The following DLC1 variants were observed in gnomAD, a reference collection of about 807,000 sequenced individuals.
DLC1 encodes the protein DLC1 Rho GTPase activating protein.
DLC1 carries 54 observed loss-of-function variants against 140.3 expected under a neutral mutation model. That is an observed-to-expected ratio of 0.38 (90% CI 0.31 to 0.48). DLC1 has a LOEUF of 0.48. DLC1 is among the 20% of genes least tolerant of loss of function. DLC1 has a pLI of 0.96. For synonymous variants in DLC1, 986 were observed against 728.1 expected (o/e 1.35, Z -5.70); for missense variants, 2,536 against 1,907.0 (o/e 1.33, Z -6.14).
At chr8:13,438,730 C>G (rs1312811200) in intron 2 of DLC1, among the ~76,000 whole-genome samples, 10 of 152,258 alleles carry the variant, frequency 6.6e-5, no homozygotes, top group African/African-American at 2.4e-4. Flanking sequence ...TTTGAGTTGT[C>G]TCTCTTTGCT....
At chr8:13,193,540 C>G (rs992694249) in intron 5 of DLC1, among the ~76,000 whole-genome samples, 7 of 152,192 alleles carry the variant, frequency 4.6e-5, no homozygotes, top group Admixed American at 4.6e-4. Flanking sequence ...CCATTTCCTA[C>G]TAACTCAGTG....
intron 5 of DLC1, among the ~76,000 whole-genome samples, chr8:13,265,854 G>A (rs1390700769): frequency 5.3e-5 from 8 of 151,692 alleles, no homozygotes; most frequent in Non-Finnish European, 1.2e-4. Flanking sequence ...CTAATCCTTC[G>A]GGTATGCACA....
At chr8:13,230,117 C>G (rs968242527) in intron 5 of DLC1, among the ~76,000 whole-genome samples, 1 of 152,216 alleles carries the variant, frequency 6.6e-6, no homozygotes, top group Non-Finnish European at 1.5e-5. Context: ...TCACTGATTT[C>G]ATGCACACCA....
intron 5 of DLC1, among the ~76,000 whole-genome samples, chr8:13,199,631 T>C (rs927047949): frequency 6.6e-6 from 1 of 152,248 alleles, no homozygotes; most frequent in Non-Finnish European, 1.5e-5. Flanking sequence ...AAAATTCTTA[T>C]ATAAAATAGT....
chr8:13,275,491 G>A (rs1831124977), intron 5 of DLC1, among the ~76,000 whole-genome samples: 1 of 152,172 alleles, frequency 6.6e-6, no homozygotes, highest in Non-Finnish European at 1.5e-5. Context: ...GAGCAAACAA[G>A]AAGGCACCAT....
At chr8:13,576,710 C>G (rs12546022) in intron 1 of DLC1, among the ~76,000 whole-genome samples, 1 of 152,038 alleles carries the variant, frequency 6.6e-6, no homozygotes, top group Non-Finnish European at 1.5e-5. Flanking sequence ...GTGAGTGTGT[C>G]AAATGAATCT....
intron 1 of DLC1, among the ~76,000 whole-genome samples, chr8:13,586,701 C>G (rs1805330706): frequency 6.6e-6 from 1 of 150,982 alleles, no homozygotes. Flanking sequence ...TTTTGAAAGG[C>G]AACGTCTTTA....
intron 2 of DLC1, among the ~76,000 whole-genome samples, chr8:13,419,165 G>A (rs1838201062): frequency 6.6e-6 from 1 of 152,226 alleles, no homozygotes; most frequent in African/African-American, 2.4e-5. Context: ...TGCAAACAGG[G>A]ACAATTTGAC....
intron 4 of DLC1, among the ~76,000 whole-genome samples, chr8:13,310,830 A>T (rs1832640310): frequency 6.6e-6 from 1 of 152,188 alleles, no homozygotes; most frequent in African/African-American, 2.4e-5. Flanking sequence ...CATTAAAAAT[A>T]TAGTCTCTTC....
intron 2 of DLC1, among the ~76,000 whole-genome samples, chr8:13,461,979 T>C (rs1258192119): frequency 6.6e-6 from 1 of 152,294 alleles, no homozygotes; most frequent in Non-Finnish European, 1.5e-5. Flanking sequence ...ACCTCAGCAG[T>C]AGTGGAGAGA....
chr8:13,596,390 G>C (rs1041474211), intron 1 of DLC1, among the ~76,000 whole-genome samples: 1 of 151,938 alleles, frequency 6.6e-6, no homozygotes, highest in African/African-American at 2.4e-5. Flanking sequence ...ACAGACTTCA[G>C]CCTCAAGTGT....
intron 2 of DLC1, among the ~76,000 whole-genome samples, chr8:13,429,956 G>C (rs187027549): frequency 1.2e-4 from 18 of 152,126 alleles, no homozygotes; most frequent in African/African-American, 3.9e-4. Flanking sequence ...TGATATTTGC[G>C]TGTGCATATA....
At chr8:13,093,416 A>G (rs1218769987) in intron 12 of DLC1, among the ~76,000 whole-genome samples, 1 of 152,176 alleles carries the variant, frequency 6.6e-6, no homozygotes, top group East Asian at 1.9e-4. Flanking sequence ...TAATAAATAA[A>G]ACACACTGAA....
At chr8:13,297,671 G>T (rs906986411) in intron 5 of DLC1, among the ~76,000 whole-genome samples, 2 of 152,160 alleles carry the variant, frequency 1.3e-5, no homozygotes, top group South Asian at 2.1e-4. Context: ...ATACTAAAAT[G>T]AAGACACAAA....
In DLC1 at chr8:13,088,448, G is replaced by A. The variant is rs769121272; in HGVS notation, c.4292+39C>T. 11 of 1,602,566 alleles carry A rather than the reference G, an allele frequency of 6.9e-6. No individual in the cohort carries two copies. In the East Asian group the frequency reaches 1.6e-4, roughly 23 times the overall value. On this transcript the variant is annotated intron_variant, in intron 16 of 17. Coordinates refer to ENST00000276297, the MANE Select transcript of DLC1 (RefSeq NM_182643.3). ...CATATAGGCTTGGTTCATATATGGAGTCATCCTTGTCACAAAAAAACAACT... is the reference window on the plus strand; with the variant it reads ...CATATAGGCTTGGTTCATATATGGAATCATCCTTGTCACAAAAAAACAACT...
chr8:13,555,446 A>G (rs1417261784), intron 1 of DLC1, among the ~76,000 whole-genome samples: 1 of 152,166 alleles, frequency 6.6e-6, no homozygotes, highest in Non-Finnish European at 1.5e-5. Context: ...TTAGACAGAA[A>G]TGAATAGGTG....
At chr8:13,530,950 G>A (rs1371478810) in intron 1 of DLC1, among the ~76,000 whole-genome samples, 1 of 152,158 alleles carries the variant, frequency 6.6e-6, no homozygotes, top group African/African-American at 2.4e-5. Flanking sequence ...AATCCCCAAT[G>A]TGATGGTATT....
chr8:13,376,861 G>A (rs988028492), intron 4 of DLC1, among the ~76,000 whole-genome samples: 4 of 152,128 alleles, frequency 2.6e-5, no homozygotes, highest in African/African-American at 7.2e-5. Flanking sequence ...CACTGGGTCA[G>A]GATTCTTCAC....
At chr8:13,164,102 G>C (rs1824925691) in intron 5 of DLC1, among the ~76,000 whole-genome samples, 1 of 152,090 alleles carries the variant, frequency 6.6e-6, no homozygotes, top group Non-Finnish European at 1.5e-5. Context: ...TTTGAGACCA[G>C]GCTGGCCAAC....
Sources: allele counts gnomAD v4.1 joint callset (sites outside exome capture counted in the v4.1 genomes callset), GRCh38; gene constraint gnomAD v4.1.1; transcripts MANE v1.5; gene names NCBI Gene and HGNC (gene_info 2026-07-23, HGNC 2026-07-21).